COMMD10: variants seen among roughly 807,000 people sequenced by gnomAD.
The protein encoded by COMMD10 is COMM domain containing 10.
COMMD10 carries 33 observed loss-of-function variants against 28.9 expected under a neutral mutation model. The ratio of observed to expected loss-of-function variants is 1.14; its 90% confidence interval spans 0.87 to 1.53. COMMD10 has a LOEUF of 1.53. Ranked by LOEUF, COMMD10 falls within the 40% of genes most tolerant of loss-of-function variation. The pLI is 0.00. For missense variants in COMMD10, 310 were observed against 233.4 expected, an observed-to-expected ratio of 1.33 and a Z score of -2.14; for synonymous variants, 110 against 81.7, an observed-to-expected ratio of 1.35 and a Z score of -1.87.
At chr5:116,282,777 TA>T (rs1448919954) in intron 5 of COMMD10, among the ~76,000 whole-genome samples, 2 of 151,910 alleles carry the variant, frequency 1.3e-5, no homozygotes, top group Non-Finnish European at 2.9e-5. Context: ...TCATTTGGAT[TA>T]GGGGCCACCC....
chr5:116,292,576 G>T lies in COMMD10; in HGVS notation c.*87G>T. On this transcript the variant is annotated 3_prime_UTR_variant, in exon 7 of 7. Coordinates refer to ENST00000274458, the MANE Select transcript of COMMD10 (RefSeq NM_016144.4). ...ACATTGCCAGGTTGTGTTTTCTGAA[G>T]GATTCAGTGACTTGCTTTCTGTAAA... is the stretch of plus-strand genomic sequence containing the variant. 9.0e-7 allele frequency: 1 copy of T among 1,110,626 alleles called. No individual in the cohort carries two copies. Among genetic ancestry groups the T allele is most frequent in the South Asian group, 1.5e-5 (1 of 66,442 alleles). The allele number at this position is 1,110,626 out of a possible 1,614,324, so 68.8% of individuals were successfully genotyped here.
intron 5 of COMMD10, among the ~76,000 whole-genome samples, chr5:116,198,221 C>G (rs6859670): frequency 0.31 from 47,401 of 151,902 alleles, 10,195 homozygotes; most frequent in African/African-American, 0.62. Context: ...TTTTGTATGC[C>G]TTTTATAGGT....
At chr5:116,097,660 AGG>A (rs1366891112) in intron 4 of COMMD10, among the ~76,000 whole-genome samples, 1 of 152,124 alleles carries the variant, frequency 6.6e-6, no homozygotes, top group Non-Finnish European at 1.5e-5. Flanking sequence ...TAAAGAAAAG[AGG>A]TGTAATTTGC....
At chr5:116,085,253 G>A (rs967384090) in intron 1 of COMMD10, 160 bp downstream of exon 1, 37 of 676,078 alleles carry the variant, frequency 5.5e-5, no homozygotes, top group Middle Eastern at 4.1e-4. Flanking sequence ...CTGCGTCTGC[G>A]GAGTGCGTGG....
At chr5:116,163,041 C>A (rs896980316) in intron 5 of COMMD10, among the ~76,000 whole-genome samples, 1 of 151,958 alleles carries the variant, frequency 6.6e-6, no homozygotes, top group African/African-American at 2.4e-5. Context: ...GGGCTCCTTA[C>A]CACTTCTTTA....
At chr5:116,216,670 A>C (rs570109847) in intron 5 of COMMD10, among the ~76,000 whole-genome samples, 4 of 152,158 alleles carry the variant, frequency 2.6e-5, no homozygotes, top group Non-Finnish European at 5.9e-5. Context: ...AGTAGCTGGG[A>C]CTACAGGTGT....
chr5:116,119,827 G>T (rs897496490), intron 4 of COMMD10, among the ~76,000 whole-genome samples: 6 of 152,012 alleles, frequency 3.9e-5, no homozygotes, highest in Non-Finnish European at 1.5e-5. Context: ...TTTTGCCCAG[G>T]CTGGTCTTGA....
chr5:116,115,874 C>T (rs1408182559), intron 4 of COMMD10, among the ~76,000 whole-genome samples: 1 of 152,094 alleles, frequency 6.6e-6, no homozygotes, highest in South Asian at 2.1e-4. Flanking sequence ...ATTTTAAGCA[C>T]TTCTGAGTAT....
chr5:116,240,877 G>A (rs1259627237), intron 5 of COMMD10, among the ~76,000 whole-genome samples: 1 of 152,140 alleles, frequency 6.6e-6, no homozygotes, highest in Non-Finnish European at 1.5e-5. Flanking sequence ...TTTATAAACT[G>A]CTGGCTCCTC....
chr5:116,212,056 T>A (rs1466323801), intron 5 of COMMD10, among the ~76,000 whole-genome samples: 1 of 152,208 alleles, frequency 6.6e-6, no homozygotes, highest in East Asian at 1.9e-4. Flanking sequence ...GTACACATCA[T>A]ACACAGTAAA....
At chr5:116,198,103 C>G (rs1748577162) in intron 5 of COMMD10, among the ~76,000 whole-genome samples, 1 of 152,094 alleles carries the variant, frequency 6.6e-6, no homozygotes, top group African/African-American at 2.4e-5. Flanking sequence ...AGTTTATAGC[C>G]TTAAGTTATA....
intron 5 of COMMD10, among the ~76,000 whole-genome samples, chr5:116,202,028 C>T (rs1216032094): frequency 2.0e-5 from 3 of 146,740 alleles, no homozygotes. Flanking sequence ...CTAATGCTAT[C>T]TCTCCCCCTC....
chr5:116,092,768 T>A lies in COMMD10; in HGVS notation c.399+68T>A, dbSNP rs548689433. ...GGCATAAATTATTATACCTGAAGAG[T>A]TTTTAAAGTGATAATATTTTGTTGA... On this transcript the variant is annotated intron_variant, in intron 4 of 6. Coordinates refer to ENST00000274458, the MANE Select transcript of COMMD10 (RefSeq NM_016144.4). 35 of 1,158,942 alleles carry A rather than the reference T, an allele frequency of 3.0e-5. 2 individuals are homozygous for A. The South Asian group carries it at 7.3e-4, about 24-fold the overall frequency. 71.8% of individuals were successfully genotyped at this position (1,158,942 alleles called of 1,614,324 possible). A position where few individuals can be genotyped will look rare whatever the true frequency, so the allele number is the denominator to read the frequency against.
intron 5 of COMMD10, among the ~76,000 whole-genome samples, chr5:116,161,882 C>T (rs1024404712): frequency 1.2e-4 from 18 of 152,162 alleles, no homozygotes; most frequent in Non-Finnish European, 1.9e-4. Flanking sequence ...TGGACCCCTG[C>T]AGTGCACACC....
chr5:116,268,062 C>T (rs1357958138), intron 5 of COMMD10, among the ~76,000 whole-genome samples: 1 of 151,742 alleles, frequency 6.6e-6, no homozygotes, highest in African/African-American at 2.4e-5. Flanking sequence ...GTCTAAAACA[C>T]CAAAAGCAAT....
At chr5:116,286,784 C>G (rs568679784) in intron 5 of COMMD10, among the ~76,000 whole-genome samples, 22 of 151,756 alleles carry the variant, frequency 1.4e-4, no homozygotes, top group Non-Finnish European at 3.2e-4. Context: ...AATGCATGGT[C>G]TTATCCCAGA....
rs970085049 is a variant in COMMD10 at position 116,268,836 on chromosome 5, C to A, written c.511-22681C>A. Among the ~76,000 whole-genome samples, 4 of 151,438 alleles carry A rather than the reference C, an allele frequency of 2.6e-5. No homozygotes were observed. The East Asian group carries it at 7.7e-4, about 29-fold the overall frequency. ...GCTGGAAACCATCATTCTCAGGAAACTATTGCAAGGACAGAAAACCAAACA... is the reference window on the plus strand; with the variant it reads ...GCTGGAAACCATCATTCTCAGGAAAATATTGCAAGGACAGAAAACCAAACA... On this transcript the variant is annotated intron_variant, in intron 5 of 6. Coordinates refer to ENST00000274458, the MANE Select transcript of COMMD10 (RefSeq NM_016144.4).
intron 5 of COMMD10, among the ~76,000 whole-genome samples, chr5:116,220,694 C>G (rs558812662): frequency 6.6e-6 from 1 of 152,284 alleles, no homozygotes; most frequent in African/African-American, 2.4e-5. Flanking sequence ...TCTAAATCAT[C>G]AACTGAAAAA....
At chr5:116,264,670 C>T (rs553366495) in intron 5 of COMMD10, among the ~76,000 whole-genome samples, 2 of 151,982 alleles carry the variant, frequency 1.3e-5, no homozygotes, top group East Asian at 3.9e-4. Context: ...AGCACTGCCC[C>T]ATATTGCTAA....
Sources: gnomAD v4.1 joint callset for allele counts (sites outside exome capture counted in the v4.1 genomes callset) on GRCh38, gnomAD v4.1.1 for gene constraint, MANE v1.5 for transcripts, NCBI Gene and HGNC (gene_info 2026-07-23, HGNC 2026-07-21) for gene names.